STXBP4: variants seen among roughly 807,000 people sequenced by gnomAD.
The protein encoded by STXBP4 is syntaxin-binding protein 4.
STXBP4 carries 55 observed loss-of-function variants against 76.1 expected under a neutral mutation model. The observed-to-expected ratio is 0.72, with a 90% confidence interval of 0.58 to 0.91. STXBP4 has a LOEUF of 0.91. STXBP4 is among the 40% of genes least tolerant of loss of function. STXBP4 has a pLI of 0.00. For synonymous variants in STXBP4, 201 were observed against 220.2 expected (o/e 0.91, Z 0.77); for missense variants, 618 against 636.9 (o/e 0.97, Z 0.32).
intron 1 of STXBP4, among the ~76,000 whole-genome samples, chr17:54,972,544 A>G (rs1452864806): frequency 6.6e-6 from 1 of 152,238 alleles, no homozygotes; most frequent in African/African-American, 2.4e-5. Flanking sequence ...TCTTAGACTT[A>G]GCCAATAGAA....
intron 3 of STXBP4, among the ~76,000 whole-genome samples, chr17:54,988,156 A>G (rs746596728): frequency 2.6e-5 from 4 of 152,228 alleles, no homozygotes; most frequent in Non-Finnish European, 5.9e-5. Context: ...AAGATCTAAA[A>G]TGGTTTAAGT....
At chr17:55,046,238 G>A (rs986131259) in intron 11 of STXBP4, among the ~76,000 whole-genome samples, 9 of 152,082 alleles carry the variant, frequency 5.9e-5, no homozygotes, top group Admixed American at 2.0e-4. Flanking sequence ...ACAGGAGCCA[G>A]CAGTCTCTTG....
At chr17:55,031,302 C>A in intron 9 of STXBP4, 38 bp downstream of exon 9, 1 of 1,455,996 alleles carries the variant, frequency 6.9e-7, no homozygotes, top group South Asian at 1.2e-5. Context: ...ATCACTGAAT[C>A]ATCATTCAAG....
At chr17:55,179,654 A>G in the STXBP4 span, among the ~76,000 whole-genome samples, 39 of 151,942 alleles carry the variant, frequency 2.6e-4, no homozygotes, top group Middle Eastern at 0.01. Context: ...TCCCTATTCA[A>G]TATGAAGATG....
chr17:55,059,770 TG>T, intron 12 of STXBP4, among the ~76,000 whole-genome samples: 1 of 152,242 alleles, frequency 6.6e-6, no homozygotes, highest in South Asian at 2.1e-4. Context: ...CCTTAAAATT[TG>T]AGAAGCTCTT....
chr17:55,098,451 T>C (rs894941086), intron 16 of STXBP4, among the ~76,000 whole-genome samples: 1 of 152,124 alleles, frequency 6.6e-6, no homozygotes, highest in African/African-American at 2.4e-5. Flanking sequence ...TAAAATTGCA[T>C]AGGAATGAGG....
At chr17:55,097,984 G>A (rs1199874034) in intron 16 of STXBP4, among the ~76,000 whole-genome samples, 1 of 152,116 alleles carries the variant, frequency 6.6e-6, no homozygotes, top group South Asian at 2.1e-4. Flanking sequence ...CTCACATCTG[G>A]TAGGTACTTA....
the STXBP4 span, among the ~76,000 whole-genome samples, chr17:55,202,319 A>G: frequency 1.3e-5 from 2 of 152,058 alleles, no homozygotes; most frequent in African/African-American, 4.8e-5. Context: ...TGAGAGTCCA[A>G]GATAAAATCA....
Position 55,168,985 on chromosome 17 carries a change from A to G in STXBP4, c.*9074A>G, listed in dbSNP as rs560246235. 4 of 152,328 alleles carry G rather than the reference A, an allele frequency of 2.6e-5. No homozygotes were observed. In the South Asian group the frequency reaches 8.3e-4, roughly 32 times the overall value. The allele number at this position is 152,328 out of a possible 1,614,324, so 9.4% of individuals were successfully genotyped here. On this transcript the variant is annotated 3_prime_UTR_variant, in exon 18 of 18. Coordinates refer to ENST00000376352, the MANE Select transcript of STXBP4 (RefSeq NM_178509.6). Reference sequence around the variant, plus strand: ...AAGTAACAGTCCAGTCATATCATGGAAAGAACAACCAAATTCATGCATGCA... The same window carrying G: ...AAGTAACAGTCCAGTCATATCATGGGAAGAACAACCAAATTCATGCATGCA...
chr17:55,083,947 A>G (rs967877487), intron 16 of STXBP4, among the ~76,000 whole-genome samples: 2 of 152,164 alleles, frequency 1.3e-5, no homozygotes, highest in African/African-American at 4.8e-5. Flanking sequence ...CTCTTTATAG[A>G]AGAGCATATA....
chr17:54,998,291 C>G (rs1198545445), intron 4 of STXBP4, among the ~76,000 whole-genome samples: 1 of 152,132 alleles, frequency 6.6e-6, no homozygotes, highest in Non-Finnish European at 1.5e-5. Flanking sequence ...GTGAAAATCT[C>G]CCTTTTTAAC....
chr17:55,116,423 A>G (rs537636097), intron 16 of STXBP4, among the ~76,000 whole-genome samples: 15 of 151,932 alleles, frequency 9.9e-5, no homozygotes, highest in Admixed American at 8.5e-4. Flanking sequence ...CTGACTTGCC[A>G]TGTGACATGC....
At chr17:55,085,787 A>T (rs2079318365) in intron 16 of STXBP4, among the ~76,000 whole-genome samples, 1 of 152,048 alleles carries the variant, frequency 6.6e-6, no homozygotes, top group Admixed American at 6.6e-5. Context: ...AAACTATGCC[A>T]CTCATAGTGT....
rs1448660762 is a variant in STXBP4 at position 55,043,226 on chromosome 17, A to G, written c.856-10A>G. 1.4e-5 allele frequency: 20 copies of G among 1,446,586 alleles called. No homozygotes were observed. The highest frequency in any genetic ancestry group is 1.7e-5 in the Non-Finnish European group (19 of 1,087,614). The allele number at this position is 1,446,586 out of a possible 1,614,324, so 89.6% of individuals were successfully genotyped here. A position where few individuals can be genotyped will look rare whatever the true frequency, so the allele number is the denominator to read the frequency against. Reference sequence around the variant, plus strand: ...TGCACAACTTTTCTCTTATATTTTAATGTTGATAGCTTCTTCCTTGTGATT... The same window carrying G: ...TGCACAACTTTTCTCTTATATTTTAGTGTTGATAGCTTCTTCCTTGTGATT... On this transcript the variant is annotated splice_polypyrimidine_tract_variant and intron_variant, in intron 10 of 17. Transcript: ENST00000376352.
At chr17:55,004,954 G>A (rs2077982295) in intron 7 of STXBP4, among the ~76,000 whole-genome samples, 1 of 152,116 alleles carries the variant, frequency 6.6e-6, no homozygotes. Context: ...GGGCTTTCAG[G>A]TAAAGTTACT....
At chr17:55,119,979 T>C (rs2079825888) in intron 16 of STXBP4, among the ~76,000 whole-genome samples, 1 of 152,158 alleles carries the variant, frequency 6.6e-6, no homozygotes, top group South Asian at 2.1e-4. Context: ...TAAAATGTAT[T>C]TGATGACACA....
intron 17 of STXBP4, among the ~76,000 whole-genome samples, chr17:55,145,985 C>A (rs960310522): frequency 6.6e-6 from 1 of 152,116 alleles, no homozygotes; most frequent in Admixed American, 6.5e-5. Flanking sequence ...ATCCATTTTT[C>A]TACCCAACTT....
chr17:55,074,093 A>T (rs1002832016), intron 13 of STXBP4, among the ~76,000 whole-genome samples: 2 of 152,306 alleles, frequency 1.3e-5, no homozygotes, highest in East Asian at 1.9e-4. Flanking sequence ...TACAAACATA[A>T]CTGGTTATGT....
chr17:54,976,750 A>G (rs964433620), intron 1 of STXBP4, among the ~76,000 whole-genome samples: 2 of 152,154 alleles, frequency 1.3e-5, no homozygotes, highest in African/African-American at 4.8e-5. Context: ...TCTAGGTTGC[A>G]TGCTCCTTAT....
Sources: allele counts gnomAD v4.1 joint callset (sites outside exome capture counted in the v4.1 genomes callset), GRCh38; gene constraint gnomAD v4.1.1; transcripts MANE v1.5; gene names NCBI Gene and HGNC (gene_info 2026-07-23, HGNC 2026-07-21).